FKBP9: variants seen among roughly 807,000 people sequenced by gnomAD.
The protein encoded by FKBP9 is peptidyl-prolyl cis-trans isomerase FKBP9.
FKBP9 carries 27 observed loss-of-function variants against 55.6 expected under a neutral mutation model. The ratio of observed to expected loss-of-function variants is 0.49; its 90% confidence interval spans 0.36 to 0.67. FKBP9 has a LOEUF of 0.67. FKBP9 is among the 30% of genes least tolerant of loss of function. FKBP9 has a pLI of 0.00. For synonymous variants in FKBP9, 267 were observed against 296.5 expected (o/e 0.90, Z 1.02); for missense variants, 539 against 742.8 (o/e 0.73, Z 3.19).
In FKBP9 at chr7:32,965,829, ATATATATATATATATGTGTG is replaced by A. The variant is rs1562562995; in HGVS notation, c.221+8038_221+8057del. Among the ~76,000 whole-genome samples the A allele has an allele frequency of 2.3e-4, 7 of 29,792 alleles. No homozygotes were observed. The South Asian group carries it at 6.8e-3, about 29-fold the overall frequency. 19.5% of individuals were successfully genotyped at this position (29,792 alleles called of 152,430 possible). On this transcript the variant is annotated intron_variant, in intron 1 of 9. Coordinates refer to ENST00000242209, the MANE Select transcript of FKBP9 (RefSeq NM_007270.5). ...AAAAAAAAAATATATATATATATAT[ATATATATATATATATGTGTG>A]TACAGATATATATATATACATACAT...
At chr7:33,003,362 C>CCT (rs1784968282) in intron 9 of FKBP9, among the ~76,000 whole-genome samples, 1 of 152,180 alleles carries the variant, frequency 6.6e-6, no homozygotes, top group African/African-American at 2.4e-5. Context: ...CCAGCCTTTT[C>CCT]CTCTCTCTCT....
intron 1 of FKBP9, among the ~76,000 whole-genome samples, chr7:32,972,203 C>T (rs897488690): frequency 3.3e-5 from 5 of 152,122 alleles, no homozygotes; most frequent in African/African-American, 1.2e-4. Context: ...GGGATTGGGG[C>T]CCCGGAGGTA....
intron 2 of FKBP9, 197 bp downstream of exon 2, chr7:32,974,959 A>T: frequency 1.6e-6 from 1 of 637,274 alleles, no homozygotes; most frequent in Non-Finnish European, 2.7e-6. Context: ...ATTAACACAG[A>T]TGTACTGAAT....
chr7:32,975,113 C>G (rs187021250), intron 2 of FKBP9, 69 bp from the exon 3 acceptor site: 38 of 1,297,672 alleles, frequency 2.9e-5, no homozygotes, highest in Non-Finnish European at 4.0e-5. Context: ...TTGGGAGCAT[C>G]CTAGGTGTTT....
At chr7:32,963,302 A>G (rs2127976109) in intron 1 of FKBP9, among the ~76,000 whole-genome samples, 1 of 149,376 alleles carries the variant, frequency 6.7e-6, no homozygotes, top group Non-Finnish European at 1.5e-5. Context: ...AGTCCTTGGG[A>G]GGCCTGGGTG....
At chr7:32,992,254 ACC>A (rs1784698565) in intron 6 of FKBP9, among the ~76,000 whole-genome samples, 12 of 107,452 alleles carry the variant, frequency 1.1e-4, no homozygotes, top group Admixed American at 3.9e-4. Context: ...GAAGAAACCC[ACC>A]CCCGCAGAGG....
At chr7:32,974,806 T>C (rs374626243) in intron 2 of FKBP9, 44 bp downstream of exon 2, 5 of 1,548,848 alleles carry the variant, frequency 3.2e-6, no homozygotes, top group East Asian at 2.2e-5. Context: ...GCAGAAACAA[T>C]GAGAACACTT....
At chr7:32,967,771 T>C (rs1182650845) in intron 1 of FKBP9, among the ~76,000 whole-genome samples, 3 of 152,054 alleles carry the variant, frequency 2.0e-5, no homozygotes, top group East Asian at 3.9e-4. Flanking sequence ...TTTTGTTTTT[T>C]GAGACAGAGT....
Position 32,970,465 on chromosome 7 carries a change from G to A in FKBP9, c.222-4152G>A, listed in dbSNP as rs541609275. On this transcript the variant is annotated intron_variant, in intron 1 of 9. Coordinates refer to ENST00000242209, the MANE Select transcript of FKBP9 (RefSeq NM_007270.5). Reference sequence around the variant, plus strand: ...CCCGCCTTGGCCTCCCAAAGTGCAGGGATTACATGCATGAGCCACTGCACC... The same window carrying A: ...CCCGCCTTGGCCTCCCAAAGTGCAGAGATTACATGCATGAGCCACTGCACC... Among the ~76,000 whole-genome samples the A allele has an allele frequency of 2.3e-3, 350 of 151,928 alleles. 1 individual carries two copies. Among genetic ancestry groups the A allele is most frequent in the Non-Finnish European group, 3.5e-3 (236 of 67,966 alleles).
chr7:32,992,341 A>G (rs1784701878), intron 6 of FKBP9, among the ~76,000 whole-genome samples: 1 of 116,176 alleles, frequency 8.6e-6, no homozygotes, highest in African/African-American at 3.3e-5. Context: ...CACCCCCCGC[A>G]GAGGAAACCC....
intron 1 of FKBP9, among the ~76,000 whole-genome samples, chr7:32,974,224 G>A (rs999690502): frequency 3.2e-4 from 49 of 151,892 alleles, no homozygotes; most frequent in Admixed American, 2.6e-3. Context: ...TTGTTGCCCC[G>A]GCTGGTCTCG....
rs768850535 is a variant in FKBP9 at position 32,957,651 on chromosome 7, C to T, written c.78C>T (p.Pro26=). The change falls in exon 1 of 10, where the codon CCC becomes CCT. Residue 26 remains proline (P), a synonymous_variant. Coordinates refer to ENST00000242209, the MANE Select transcript of FKBP9 (RefSeq NM_007270.5). The part of the protein sequence containing the change: ...LLLWVTGQAA[P]VAGLGSDAEL... ...TCTGGGTGACCGGGCAGGCAGCGCCCGTGGCGGGCCTGGGCTCCGACGCGG... is the reference window on the plus strand; with the variant it reads ...TCTGGGTGACCGGGCAGGCAGCGCCTGTGGCGGGCCTGGGCTCCGACGCGG... 35 of 1,503,248 alleles carry T rather than the reference C, an allele frequency of 2.3e-5. No homozygotes were observed. The South Asian group carries it at 4.1e-4, about 18-fold the overall frequency. The allele number at this position is 1,503,248 out of a possible 1,614,324, so 93.1% of individuals were successfully genotyped here. A position where few individuals can be genotyped will look rare whatever the true frequency, so the allele number is the denominator to read the frequency against.
At chr7:32,979,184 G>A (rs540024094) in intron 4 of FKBP9, among the ~76,000 whole-genome samples, 8 of 151,966 alleles carry the variant, frequency 5.3e-5, no homozygotes, top group Non-Finnish European at 1.2e-4. Context: ...CAGGAGAATC[G>A]CTTGAACCCA....
At chr7:32,968,780 C>CA (rs1005249258) in intron 1 of FKBP9, among the ~76,000 whole-genome samples, 1 of 151,400 alleles carries the variant, frequency 6.6e-6, no homozygotes, top group African/African-American at 2.4e-5. Flanking sequence ...GCCTCAGCCC[C>CA]CCGAGTAGCT....
At chr7:33,003,109 T>C (rs1784963301) in intron 9 of FKBP9, among the ~76,000 whole-genome samples, 1 of 152,222 alleles carries the variant, frequency 6.6e-6, no homozygotes, top group African/African-American at 2.4e-5. Flanking sequence ...CGTTACTGGG[T>C]GCTCAATGCC....
rs1411614330 is a variant in FKBP9, at chr7:33,005,878, G to A, written c.*527G>A. Reference sequence around the variant, plus strand: ...CCCAGCAGCCTGTGCAAATTCTGATGATGGCCCCACCCCCGCACACGCACA... The same window carrying A: ...CCCAGCAGCCTGTGCAAATTCTGATAATGGCCCCACCCCCGCACACGCACA... On this transcript the variant is annotated 3_prime_UTR_variant, in exon 10 of 10. Transcript: ENST00000242209. The A allele has an allele frequency of 4.3e-6, 1 of 233,392 alleles. No homozygotes were observed. The allele number at this position is 233,392 out of a possible 1,614,324, so 14.5% of individuals were successfully genotyped here. A position where few individuals can be genotyped will look rare whatever the true frequency, so the allele number is the denominator to read the frequency against.
At chr7:32,961,631 A>C (rs1341484479) in intron 1 of FKBP9, among the ~76,000 whole-genome samples, 2 of 152,228 alleles carry the variant, frequency 1.3e-5, no homozygotes, top group African/African-American at 2.4e-5. Flanking sequence ...CGGGCTGCAC[A>C]GCCGGAGGTG....
chr7:32,975,015 T>G (rs1473121488), intron 2 of FKBP9, 167 bp from the exon 3 acceptor site: 1 of 667,832 alleles, frequency 1.5e-6, no homozygotes, highest in Non-Finnish European at 2.5e-6. Context: ...TTTCTTTCAA[T>G]TTCATTTGGA....
rs1203938515 is a variant in FKBP9 at position 33,002,656 on chromosome 7, C to T, written c.1373-20C>T. ...CTGCCTGCCGGCTGACACCGCCTCCCGCTCCTGTCACCTGGACAGATGGAG... is the reference window on the plus strand; with the variant it reads ...CTGCCTGCCGGCTGACACCGCCTCCTGCTCCTGTCACCTGGACAGATGGAG... On this transcript the variant is annotated intron_variant, in intron 8 of 9. Coordinates refer to ENST00000242209, the MANE Select transcript of FKBP9 (RefSeq NM_007270.5). 21 of 1,610,636 alleles carry T rather than the reference C, an allele frequency of 1.3e-5. No homozygotes were observed. Among genetic ancestry groups the T allele is most frequent in the Non-Finnish European group, 1.6e-5 (19 of 1,178,240 alleles).
Sources: gnomAD v4.1 joint callset for allele counts (sites outside exome capture counted in the v4.1 genomes callset) on GRCh38, gnomAD v4.1.1 for gene constraint, MANE v1.5 for transcripts, NCBI Gene and HGNC (gene_info 2026-07-23, HGNC 2026-07-21) for gene names.